Variants in MPP1 observed in about 807,000 individuals in gnomAD.
MPP1 encodes 55 kDa erythrocyte membrane protein.
In MPP1, 6 loss-of-function variants were observed where a neutral mutation model predicts 38.2. The ratio of observed to expected loss-of-function variants is 0.16; its 90% confidence interval spans 0.09 to 0.31. The LOEUF (loss-of-function observed/expected upper bound fraction) is 0.31, where lower values mean the gene tolerates loss of function less well. Among genes scored for constraint, MPP1 ranks in the 10% least tolerant of loss-of-function variants. The probability of loss-of-function intolerance (pLI) is 1.00; values close to 1 mark genes in which losing one functional copy is unlikely to be tolerated. For synonymous variants in MPP1, 153 were observed against 146.3 expected (o/e 1.05, Z -0.33); for missense variants, 293 against 368.9 (o/e 0.79, Z 1.69).
intron 4 of MPP1, among the ~76,000 whole-genome samples, chrX:154,790,393 T>TGATGGTGG (rs2072127376): frequency 9.1e-6 from 1 of 109,435 alleles, no homozygotes; most frequent in South Asian, 4.0e-4. Context: ...TTAGCCAGCG[T>TGATGGTGG]GATGGTGGGT....
intron 3 of MPP1, chrX:154,791,557 G>T (rs782089604): frequency 6.0e-5 from 23 of 383,346 alleles, no homozygotes; most frequent in Non-Finnish European, 9.5e-5. Flanking sequence ...AGAAGGCTCA[G>T]ATAGGGAGAT....
At position 154,785,310 on chromosome X, in the gene MPP1, G is replaced by A. The variant is rs782712786; in HGVS notation, c.678-153C>T. 7.5e-5 allele frequency among the ~76,000 whole-genome samples: 8 copies of A among 106,148 alleles called. No individual in the cohort carries two copies. The South Asian group carries it at 2.9e-3, about 39-fold the overall frequency. The allele number at this position is 106,148 out of a possible 115,157, so 92.2% of individuals were successfully genotyped here. On this transcript the variant is annotated intron_variant, in intron 6 of 11. Coordinates refer to ENST00000369534, the MANE Select transcript of MPP1 (RefSeq NM_002436.4). ...CAAAGCACCCCATACACTGTTTGGT[G>A]CATCTTGCACTGTGCCCTGCCCTCA...
At chrX:154,793,744 G>T (rs1557267954) in intron 1 of MPP1, among the ~76,000 whole-genome samples, 1 of 111,873 alleles carries the variant, frequency 8.9e-6, no homozygotes, top group Non-Finnish European at 1.9e-5. Flanking sequence ...GTCTCTATAT[G>T]TTAGGAACGA....
Position 154,784,067 on chromosome X carries a change from G to A in MPP1, c.826C>T (p.Arg276Trp), listed in dbSNP as rs782360964. ...LDVVSYEEVV[R>W]LPAFKRKTLV... The stretch of plus-strand genomic sequence containing the variant: ...GTCTTCCTCTTGAATGCAGGGAGCC[G>A]AACGACTTCCTCGTAGGAAACAACA... The change falls in exon 8 of 12, where the codon CGG (arginine) becomes TGG (tryptophan). Residue 276 changes from arginine to tryptophan, a missense_variant. Transcript: ENST00000369534. 23 of 1,207,665 alleles carry A rather than the reference G, an allele frequency of 1.9e-5. No individual in the cohort carries two copies. The highest frequency in any genetic ancestry group is 5.9e-5 in the East Asian group (2 of 33,722).
Position 154,785,073 on chromosome X carries a change from T to C in MPP1, c.762A>G (p.Lys254=). 8.3e-7 allele frequency: 1 copy of C among 1,211,207 alleles called. No individual in the cohort carries two copies. Among genetic ancestry groups the C allele is most frequent in the South Asian group, 1.8e-5 (1 of 56,931 alleles). Residue 254 remains lysine (K), a synonymous_variant, in exon 7 of 12, where the codon AAA becomes AAG. Coordinates refer to ENST00000369534, the MANE Select transcript of MPP1 (RefSeq NM_002436.4). The part of the protein sequence containing the change: ...PFGKKKKYKD[K]YLAKHSSIFD... ...TACTCGAGCTGTGCTTGGCCAGATA[T>C]TTGTCTTTGTACTTCTTCTTCTTCC...
intron 1 of MPP1, chrX:154,799,918 A>C: frequency 4.5e-5 from 49 of 1,081,073 alleles, no homozygotes; most frequent in East Asian, 2.3e-4. Flanking sequence ...GAGATGAAAA[A>C]CAAACTTGGC....
intron 1 of MPP1, among the ~76,000 whole-genome samples, chrX:154,795,198 A>G (rs781807151): frequency 6.2e-5 from 7 of 112,295 alleles, no homozygotes; most frequent in Non-Finnish European, 1.1e-4. Flanking sequence ...GTACTGAGAA[A>G]GAGAAACTGC....
chrX:154,799,811 G>A, intron 1 of MPP1: 5 of 1,165,668 alleles, frequency 4.3e-6, no homozygotes, highest in East Asian at 6.5e-5. Context: ...TGCTGGAGTG[G>A]CAATGCCTGC....
rs1319138513 is a variant in MPP1 at position 154,778,930 on chromosome X, ACTT to A, written c.*244_*246del. The A allele has an allele frequency of 6.1e-5, 22 of 358,098 alleles. No individual in the cohort carries two copies. In the South Asian group the frequency reaches 1.5e-3, roughly 24 times the overall value. 29.5% of individuals were successfully genotyped at this position (358,098 alleles called of 1,213,427 possible). ...TGATTAGCAGTTACATTTTGGTAGT[ACTT>A]CTTACCCCCAATTTCTAGAAATCCT... On this transcript the variant is annotated 3_prime_UTR_variant, in exon 12 of 12. Coordinates refer to ENST00000369534, the MANE Select transcript of MPP1 (RefSeq NM_002436.4).
At chrX:154,799,939 C>G in intron 1 of MPP1, 4 of 983,287 alleles carry the variant, frequency 4.1e-6, no homozygotes, top group South Asian at 2.4e-5. Flanking sequence ...GGGGGGCGGG[C>G]GGTGGCGGGG....
intron 1 of MPP1, among the ~76,000 whole-genome samples, chrX:154,802,409 G>A (rs951812496): frequency 4.5e-5 from 5 of 111,705 alleles, no homozygotes; most frequent in Non-Finnish European, 9.4e-5. Context: ...CCAAGAAACA[G>A]GTTTTCTTGG....
chrX:154,784,737 C>T, intron 7 of MPP1: 1 of 346,254 alleles, frequency 2.9e-6, no homozygotes, highest in South Asian at 3.3e-5. Flanking sequence ...TCCCTATGAC[C>T]TGGCCCTGGC....
chrX:154,804,969 C>T (rs984561892), intron 1 of MPP1: 2 of 399,853 alleles, frequency 5.0e-6, no homozygotes, highest in Non-Finnish European at 9.1e-6. Flanking sequence ...CTTTCTGTTA[C>T]TCTGACTTCC....
chrX:154,786,522 G>T (rs1332589162), intron 5 of MPP1, 122 bp from the exon 6 acceptor site: 8 of 612,302 alleles, frequency 1.3e-5, no homozygotes, highest in African/African-American at 2.3e-5. Flanking sequence ...TAAGAATGGT[G>T]GGGGAGCACC....
At chrX:154,801,940 A>T (rs1274473817) in intron 1 of MPP1, among the ~76,000 whole-genome samples, 1 of 110,878 alleles carries the variant, frequency 9.0e-6, no homozygotes, top group Non-Finnish European at 1.9e-5. Context: ...TGAAAAGAAA[A>T]GCCTTGAACG....
intron 11 of MPP1, among the ~76,000 whole-genome samples, chrX:154,780,509 AAAG>A (rs1175047125): frequency 8.9e-6 from 1 of 112,935 alleles, no homozygotes; most frequent in African/African-American, 3.2e-5. Flanking sequence ...ACTGGCAAAA[AAAG>A]AAAATTTTGA....
chrX:154,796,921 G>T (rs1490371811), intron 1 of MPP1, among the ~76,000 whole-genome samples: 1 of 111,603 alleles, frequency 9.0e-6, no homozygotes, highest in East Asian at 2.8e-4. Flanking sequence ...GGTGGCATGT[G>T]CCTGTAGTCC....
intron 1 of MPP1, among the ~76,000 whole-genome samples, chrX:154,792,859 G>A (rs782496382): frequency 1.4e-4 from 15 of 111,018 alleles, no homozygotes; most frequent in Admixed American, 4.8e-4. Context: ...ACTGGGCCCC[G>A]AACCGCGGTG....
Position 154,781,303 on chromosome X carries a change from A to G in MPP1, c.1160T>C (p.Ile387Thr). 1 of 1,191,137 alleles carries G rather than the reference A, an allele frequency of 8.4e-7. No homozygotes were observed. Among genetic ancestry groups the G allele is most frequent in the Non-Finnish European group, 1.1e-6 (1 of 883,795 alleles). ...ILDIEPQTLK[I>T]VRTAELSPFI... is the part of the protein sequence containing the mutation. ...AGGCGAAAGTTCTGCTGTCCGAACAATTTTCAGGGTCTAGAAAAAAAAAAG... is the reference window on the plus strand; with the variant it reads ...AGGCGAAAGTTCTGCTGTCCGAACAGTTTTCAGGGTCTAGAAAAAAAAAAG... Residue 387 changes from isoleucine (I) to threonine (T), a missense_variant, in exon 11 of 12, where the codon ATT becomes ACT. Ile to Thr is a moderately conservative substitution (Grantham distance 89). Coordinates refer to ENST00000369534, the MANE Select transcript of MPP1 (RefSeq NM_002436.4).
Sources: allele counts gnomAD v4.1 joint callset (sites outside exome capture counted in the v4.1 genomes callset), GRCh38; gene constraint gnomAD v4.1.1; transcripts MANE v1.5; gene names NCBI Gene and HGNC (gene_info 2026-07-23, HGNC 2026-07-21).